The following SLC4A8 variants were observed in gnomAD, a reference collection of about 807,000 sequenced individuals.
SLC4A8 encodes solute carrier family 4 member 8.
A neutral mutation model predicts 125.0 loss-of-function variants in SLC4A8; 40 were observed. The observed-to-expected ratio is 0.32, with a 90% CI of 0.25 to 0.42. The LOEUF (loss-of-function observed/expected upper bound fraction) is 0.42, where lower values mean the gene tolerates loss of function less well. Among genes scored for constraint, SLC4A8 ranks in the 10% least tolerant of loss-of-function variants. The probability of loss-of-function intolerance (pLI) is 1.00; values close to 1 mark genes in which losing one functional copy is unlikely to be tolerated. For synonymous variants in SLC4A8, 456 were observed against 476.0 expected (o/e 0.96, Z 0.55); for missense variants, 863 against 1,355.1 (o/e 0.64, Z 5.70).
intron 2 of SLC4A8, among the ~76,000 whole-genome samples, chr12:51,449,209 AG>A (rs932192130): frequency 2.6e-5 from 4 of 152,170 alleles, no homozygotes; most frequent in Non-Finnish European, 5.9e-5. Context: ...AGGCCAAGGC[AG>A]GAGAATCGCT....
Position 51,409,369 on chromosome 12 carries a change from C to T in SLC4A8, c.-112+17881C>T, listed in dbSNP as rs576916935. 3.2e-3 allele frequency among the ~76,000 whole-genome samples: 486 copies of T among 152,202 alleles called. 3 individuals carry two copies. Among genetic ancestry groups the T allele is most frequent in the African/African-American group, 0.011 (464 of 41,518 alleles). Reference sequence around the variant, plus strand: ...CTAATATAACAGGAATCTTTTCTCTCATCTTGTTATCTAATCAGTTGTGCT... The same window carrying T: ...CTAATATAACAGGAATCTTTTCTCTTATCTTGTTATCTAATCAGTTGTGCT... On this transcript the variant is annotated intron_variant, in intron 1 of 24. Coordinates refer to the SLC4A8 transcript ENST00000358657.
intron 2 of SLC4A8, chr12:51,441,175 A>G: frequency 1.0e-6 from 1 of 984,856 alleles, no homozygotes; most frequent in Middle Eastern, 5.2e-4. Context: ...AGTTTTAAAA[A>G]CTCATTTTGG....
At chr12:51,498,936 C>T (rs1937709925) in intron 22 of SLC4A8, among the ~76,000 whole-genome samples, 3 of 135,482 alleles carry the variant, frequency 2.2e-5, no homozygotes, top group Admixed American at 1.5e-4. Flanking sequence ...GTAATCCCAG[C>T]ACTTTGGAAG....
intron 11 of SLC4A8, 121 bp from the exon 12 acceptor site, chr12:51,469,493 A>T (rs976706887): frequency 1.2e-6 from 1 of 820,818 alleles, no homozygotes; most frequent in African/African-American, 1.7e-5. Context: ...ACTGGGGTCA[A>T]ACTGAAGCCA....
At chr12:51,499,457 C>T (rs1937744468) in intron 22 of SLC4A8, among the ~76,000 whole-genome samples, 1 of 152,034 alleles carries the variant, frequency 6.6e-6, no homozygotes, top group Admixed American at 6.6e-5. Flanking sequence ...TTTTCTTCCT[C>T]CATATTTATT....
chr12:51,449,204 A>G (rs1949884339), intron 2 of SLC4A8, among the ~76,000 whole-genome samples: 1 of 152,134 alleles, frequency 6.6e-6, no homozygotes. Context: ...TTGGGAGGCC[A>G]AGGCAGGAGA....
chr12:51,462,108 CT>C, intron 9 of SLC4A8: 1 of 573,690 alleles, frequency 1.7e-6, no homozygotes, highest in Non-Finnish European at 3.1e-6. Flanking sequence ...GTATTTAGTT[CT>C]TTTAATGCAT....
Position 51,485,850 on chromosome 12 carries a change from T to A in SLC4A8, c.2236T>A (p.Phe746Ile). The part of the protein sequence containing the change: ...LTIFTMVIID[F>I]LIGVPSPKLQ... ...TATCTTCACAATGGTGATTATTGAT[T>A]TTTTGATTGGAGTCCCATCACCAAA... Residue 746 changes from phenylalanine (F) to isoleucine (I), a missense_variant, in exon 17 of 25, where the codon TTT becomes ATT. Physicochemically the swap from Phe to Ile is conservative, Grantham distance 21 (BLOSUM62 0). Around this residue, in one of 6 missense-constraint regions of SLC4A8, gnomAD observed 197 missense variants for 377.7 expected, o/e 0.52. Transcript: ENST00000453097. 2 of 1,613,786 alleles carry A rather than the reference T, an allele frequency of 1.2e-6. No individual in the cohort carries two copies. The highest frequency in any genetic ancestry group is 1.7e-6 in the Non-Finnish European group (2 of 1,179,690).
intron 1 of SLC4A8, among the ~76,000 whole-genome samples, chr12:51,403,994 C>T (rs753602029): frequency 3.9e-5 from 6 of 152,312 alleles, no homozygotes; most frequent in Admixed American, 6.5e-5. Context: ...CCTGGAGTTC[C>T]CATTTCTGCT....
At chr12:51,413,563 G>A (rs1592148063) in intron 1 of SLC4A8, among the ~76,000 whole-genome samples, 1 of 152,244 alleles carries the variant, frequency 6.6e-6, no homozygotes, top group East Asian at 1.9e-4. Flanking sequence ...TTACATTTAA[G>A]CCTTTAATTC....
intron 1 of SLC4A8, among the ~76,000 whole-genome samples, chr12:51,411,856 C>T (rs988980870): frequency 4.6e-5 from 7 of 151,642 alleles, no homozygotes; most frequent in East Asian, 2.0e-4. Context: ...AGGCCAAAGC[C>T]GGAGGATCGC....
intron 1 of SLC4A8, among the ~76,000 whole-genome samples, chr12:51,395,387 C>T (rs1295788536): frequency 1.3e-5 from 2 of 150,324 alleles, no homozygotes; most frequent in East Asian, 1.9e-4. Flanking sequence ...GTTTTAGATT[C>T]GGGTTTTGGG....
chr12:51,497,294 G>C, intron 22 of SLC4A8, 170 bp downstream of exon 22: 1 of 740,364 alleles, frequency 1.4e-6, no homozygotes, highest in Non-Finnish European at 2.1e-6. Flanking sequence ...TCTTGCTTCT[G>C]TCTGTTCTTA....
At chr12:51,457,792 A>T (rs1950201906) in intron 6 of SLC4A8, among the ~76,000 whole-genome samples, 1 of 152,082 alleles carries the variant, frequency 6.6e-6, no homozygotes, top group African/African-American at 2.4e-5. Context: ...CTCAGAACTG[A>T]TGTAGCTTTT....
Position 51,512,600 on chromosome 12 carries a change from G to C in SLC4A8, c.*5162G>C, listed in dbSNP as rs931917478. On this transcript the variant is annotated 3_prime_UTR_variant, in exon 25 of 25. Coordinates refer to ENST00000453097, the MANE Select transcript of SLC4A8 (RefSeq NM_001039960.3). ...AAAGAGTCAAGGTGGGCAGTGTTTG[G>C]GGTAGGAAATGAGTAGTGGTGAAGC... The C allele has an allele frequency of 1.3e-5, 2 of 152,330 alleles. No individual in the cohort carries two copies. Among genetic ancestry groups the C allele is most frequent in the African/African-American group, 4.8e-5 (2 of 41,408 alleles). 9.4% of individuals were successfully genotyped at this position (152,330 alleles called of 1,614,324 possible).
chr12:51,438,434 T>A (rs1172937413), intron 1 of SLC4A8, among the ~76,000 whole-genome samples: 1 of 152,226 alleles, frequency 6.6e-6, no homozygotes, highest in Non-Finnish European at 1.5e-5. Context: ...TTCAGTTCCA[T>A]CCATATTGCC....
chr12:51,502,117 G>A (rs1250280363), intron 22 of SLC4A8: 2 of 152,150 alleles, frequency 1.3e-5, no homozygotes, highest in Admixed American at 6.5e-5. Flanking sequence ...ACTCTCTAGA[G>A]GGAGAACTAC....
At chr12:51,480,330 A>G (rs1950992526) in intron 16 of SLC4A8, 5 of 1,186,956 alleles carry the variant, frequency 4.2e-6, no homozygotes, top group African/African-American at 1.6e-5. Context: ...GTCTTATTAT[A>G]TACAAGGCAG....
intron 16 of SLC4A8, chr12:51,480,448 ATTATCAGCTTG>A: frequency 9.1e-7 from 1 of 1,101,020 alleles, no homozygotes; most frequent in South Asian, 2.1e-5. Flanking sequence ...GGGTCAACTG[ATTATCAGCTTG>A]TTAGGAGTCC....
Sources: allele counts gnomAD v4.1 joint callset (sites outside exome capture counted in the v4.1 genomes callset), GRCh38; gene constraint gnomAD v4.1.1; regional missense constraint gnomAD v4.1.1; transcripts MANE v1.5; gene names NCBI Gene and HGNC (gene_info 2026-07-23, HGNC 2026-07-21).